The following KATNIP variants were observed in gnomAD, a reference collection of about 807,000 sequenced individuals.
KATNIP encodes the protein katanin-interacting protein.
KATNIP carries 126 observed loss-of-function variants against 174.0 expected under a neutral mutation model. The ratio of observed to expected loss-of-function variants is 0.72; its 90% confidence interval spans 0.63 to 0.84. KATNIP has a LOEUF of 0.84. Ranked by LOEUF, KATNIP falls within the 40% of genes least tolerant of loss-of-function variation. The pLI is 0.00. For synonymous variants in KATNIP, 810 were observed against 835.7 expected (o/e 0.97, Z 0.53); for missense variants, 1,958 against 2,109.7 (o/e 0.93, Z 1.41).
chr16:27,699,265 C>G (rs1321788261), intron 9 of KATNIP, among the ~76,000 whole-genome samples: 1 of 152,120 alleles, frequency 6.6e-6, no homozygotes, highest in Admixed American at 6.5e-5. Flanking sequence ...CACATCTTTG[C>G]AAGTGGCCGA....
intron 3 of KATNIP, 63 bp downstream of exon 3, chr16:27,618,564 T>G (rs2142064334): frequency 8.2e-7 from 1 of 1,225,438 alleles, no homozygotes; most frequent in Middle Eastern, 1.9e-4. Flanking sequence ...TTTAGATTTA[T>G]TAACAGCAGG....
intron 1 of KATNIP, among the ~76,000 whole-genome samples, chr16:27,561,951 G>A (rs2089901900): frequency 6.6e-6 from 1 of 152,158 alleles, no homozygotes; most frequent in African/African-American, 2.4e-5. Flanking sequence ...TGCTGCTTGT[G>A]TCAGTTTCCA....
chr16:27,693,370 A>C (rs1015731704), intron 8 of KATNIP, among the ~76,000 whole-genome samples: 1 of 152,116 alleles, frequency 6.6e-6, no homozygotes, highest in Admixed American at 6.6e-5. Flanking sequence ...TCAAAGTCTG[A>C]AAATGGCCCA....
chr16:27,618,242 C>T (rs2076095915), intron 2 of KATNIP, among the ~76,000 whole-genome samples, 183 bp from the exon 3 acceptor site: 1 of 152,106 alleles, frequency 6.6e-6, no homozygotes, highest in Non-Finnish European at 1.5e-5. Context: ...TGCCTAAGAC[C>T]CATGGGGCCA....
At position 27,750,176 on chromosome 16, in the gene KATNIP, G is replaced by C; in HGVS notation, c.3216G>C (p.Leu1072=). ...IDFTHPCHVA[L]IRIWNYNKSR... is the part of the protein sequence containing the mutation. ...TCACGCACCCTTGCCACGTTGCCCT[G>C]ATCAGAATTTGGAACTACAATAAAT... The change falls in exon 16 of 28, where the codon CTG becomes CTC. Residue 1072 remains leucine, a synonymous_variant. Transcript: ENST00000261588. The C allele has an allele frequency of 1.2e-6, 2 of 1,614,084 alleles. No individual in the cohort carries two copies. The highest frequency in any genetic ancestry group is 1.1e-5 in the South Asian group (1 of 91,082).
At chr16:27,767,587 A>G (rs917413906) in intron 20 of KATNIP, among the ~76,000 whole-genome samples, 2 of 152,120 alleles carry the variant, frequency 1.3e-5, no homozygotes, top group African/African-American at 4.8e-5. Context: ...AGTGGCACAC[A>G]CCTGTAGTCC....
chr16:27,763,626 AAAAAAAAAAAAAG>A (rs1279721555), intron 19 of KATNIP, among the ~76,000 whole-genome samples: 2 of 150,182 alleles, frequency 1.3e-5, no homozygotes, highest in Admixed American at 6.6e-5. Flanking sequence ...ACACAAAAAA[AAAAAAAAAAAAAG>A]AAAGAAAGAA....
intron 8 of KATNIP, among the ~76,000 whole-genome samples, chr16:27,688,912 G>A (rs1164708183): frequency 6.6e-6 from 1 of 152,156 alleles, no homozygotes; most frequent in African/African-American, 2.4e-5. Flanking sequence ...CATGGTCAGG[G>A]AGAGGTAGTC....
chr16:27,738,321 G>A (rs1482304850), intron 14 of KATNIP, among the ~76,000 whole-genome samples: 1 of 152,190 alleles, frequency 6.6e-6, no homozygotes, highest in African/African-American at 2.4e-5. Context: ...GGAAACCTTA[G>A]GGTGATAGGT....
rs145645915 is a variant in KATNIP, at chr16:27,751,756, C to T, written c.3384C>T (p.Thr1128=). 74 of 1,614,048 alleles carry T rather than the reference C, an allele frequency of 4.6e-5. 1 individual carries two copies. In the Admixed American group the frequency reaches 8.7e-4, roughly 19 times the overall value. Residue 1128 remains threonine (T), a synonymous_variant, in exon 17 of 28, where the codon ACC becomes ACT. Coordinates refer to ENST00000261588, the MANE Select transcript of KATNIP (RefSeq NM_015202.5). ...EHFGDTILFT[T]DDDILEAIFY... ...TTGGAGACACGATCTTATTCACAACCGATGATGACATTCTCGAGGCCATAT... is the reference window on the plus strand; with the variant it reads ...TTGGAGACACGATCTTATTCACAACTGATGATGACATTCTCGAGGCCATAT...
chr16:27,599,570 CTT>C (rs1427230635), intron 2 of KATNIP, among the ~76,000 whole-genome samples: 1 of 152,160 alleles, frequency 6.6e-6, no homozygotes, highest in Non-Finnish European at 1.5e-5. Flanking sequence ...TCCCTTGTCT[CTT>C]CTTTCCAGCC....
intron 23 of KATNIP, among the ~76,000 whole-genome samples, chr16:27,773,961 A>T (rs894684707): frequency 3.9e-5 from 6 of 152,152 alleles, no homozygotes; most frequent in African/African-American, 1.4e-4. Flanking sequence ...CATTTTACAG[A>T]TGAGGAGCCT....
chr16:27,774,962 G>A lies in KATNIP; in HGVS notation c.4327G>A (p.Asp1443Asn), dbSNP rs200155471. 4.5e-5 allele frequency: 73 copies of A among 1,613,712 alleles called. No individual in the cohort carries two copies. The highest frequency in any genetic ancestry group is 6.7e-5 in the East Asian group (3 of 44,844). Residue 1443 changes from aspartate to asparagine, a missense_variant, in exon 24 of 28, where the codon GAC becomes AAC. Asp to Asn is a conservative substitution (Grantham distance 23). Transcript: ENST00000261588. ...LSENNIAAFP[D>N]SVNSLEGVGG... ...CTCCTCAGATATTGCGGCCTTCCCC[G>A]ACAGCGTGAACTCCCTGGAGGGTGT...
intron 13 of KATNIP, among the ~76,000 whole-genome samples, chr16:27,717,016 G>A (rs1167556102): frequency 6.6e-6 from 1 of 151,982 alleles, no homozygotes; most frequent in African/African-American, 2.4e-5. Context: ...GCTAATTTTT[G>A]TATTTTTAGT....
At chr16:27,616,919 AAAAAAATGC>A (rs2076056349) in intron 2 of KATNIP, among the ~76,000 whole-genome samples, 1 of 147,180 alleles carries the variant, frequency 6.8e-6, no homozygotes, top group Non-Finnish European at 1.5e-5. Flanking sequence ...AAAAAAAAAA[AAAAAAATGC>A]TTTTTAAAGA....
At chr16:27,727,189 T>C in intron 14 of KATNIP, 1 of 201,516 alleles carries the variant, frequency 5.0e-6, no homozygotes. Context: ...GATGTTTGTT[T>C]GTTTGTTTGT....
In KATNIP at chr16:27,670,281, G is replaced by A. The variant is rs562272853; in HGVS notation, c.541-7448G>A. The stretch of plus-strand genomic sequence containing the variant: ...TCCTGATTTTTGTTAGCTAAGCTAA[G>A]GGCTTAGGTTTATAGCATTGCATTC... On this transcript the variant is annotated intron_variant, in intron 6 of 27. Coordinates refer to ENST00000261588, the MANE Select transcript of KATNIP (RefSeq NM_015202.5). Among the ~76,000 whole-genome samples, 7 of 152,286 alleles carry A rather than the reference G, an allele frequency of 4.6e-5. No homozygotes were observed. The South Asian group carries it at 1.4e-3, about 32-fold the overall frequency.
At chr16:27,574,750 G>C (rs891169702) in intron 2 of KATNIP, among the ~76,000 whole-genome samples, 3 of 151,570 alleles carry the variant, frequency 2.0e-5, no homozygotes, top group Admixed American at 1.3e-4. Flanking sequence ...TTTTAGTAGA[G>C]ATGGGGTTTC....
At chr16:27,748,980 G>A (rs557683564) in intron 15 of KATNIP, among the ~76,000 whole-genome samples, 3 of 152,012 alleles carry the variant, frequency 2.0e-5, no homozygotes, top group African/African-American at 4.8e-5. Context: ...TCCTTTTAAC[G>A]TTCTTTTACA....
Sources: gnomAD v4.1 joint callset for allele counts (sites outside exome capture counted in the v4.1 genomes callset) on GRCh38, gnomAD v4.1.1 for gene constraint, MANE v1.5 for transcripts, NCBI Gene and HGNC (gene_info 2026-07-23, HGNC 2026-07-21) for gene names.